CUL5: variants seen among roughly 807,000 people sequenced by gnomAD.
CUL5 encodes the protein cullin-5.
CUL5 carries 26 observed loss-of-function variants against 108.8 expected under a neutral mutation model. The observed-to-expected ratio is 0.24, with a 90% confidence interval of 0.18 to 0.33. CUL5 has a LOEUF of 0.33. Ranked by LOEUF, CUL5 falls within the 10% of genes least tolerant of loss-of-function variation. The pLI is 1.00. For missense variants in CUL5, 524 were observed against 909.2 expected, an observed-to-expected ratio of 0.58 and a Z score of 5.45; for synonymous variants, 334 against 298.0, an observed-to-expected ratio of 1.12 and a Z score of -1.25.
At chr11:108,043,796 AGGC>A (rs1255882959) in intron 2 of CUL5, among the ~76,000 whole-genome samples, 2 of 152,218 alleles carry the variant, frequency 1.3e-5, no homozygotes, top group Admixed American at 6.5e-5. Flanking sequence ...TGGGAGGCCA[AGGC>A]AGGTGGATCA....
intron 11 of CUL5, among the ~76,000 whole-genome samples, chr11:108,078,745 T>G (rs1863999536): frequency 6.6e-6 from 1 of 152,168 alleles, no homozygotes; most frequent in Non-Finnish European, 1.5e-5. Context: ...AAAAAAGTCT[T>G]TTGATGTGCT....
At chr11:108,069,149 C>T (rs1229227376) in intron 7 of CUL5, among the ~76,000 whole-genome samples, 1 of 152,070 alleles carries the variant, frequency 6.6e-6, no homozygotes, top group Non-Finnish European at 1.5e-5. Context: ...CCTAGCTACT[C>T]AAGAGGCTGA....
intron 7 of CUL5, among the ~76,000 whole-genome samples, chr11:108,065,552 C>T (rs1475956804): frequency 2.0e-5 from 3 of 152,118 alleles, no homozygotes; most frequent in African/African-American, 7.2e-5. Context: ...TGAGTTCATC[C>T]TACTTTTGCT....
chr11:108,020,535 A>T (rs1591274775), intron 1 of CUL5, among the ~76,000 whole-genome samples: 2 of 148,188 alleles, frequency 1.3e-5, no homozygotes, highest in African/African-American at 5.0e-5. Context: ...TGTGTTTGTG[A>T]TTTTTTTTTT....
At chr11:108,100,409 G>A (rs533297379) in intron 18 of CUL5, among the ~76,000 whole-genome samples, 1 of 152,278 alleles carries the variant, frequency 6.6e-6, no homozygotes, top group African/African-American at 2.4e-5. Context: ...CAGCTGTGGT[G>A]GCGCATGCCT....
intron 10 of CUL5, among the ~76,000 whole-genome samples, chr11:108,077,231 C>A (rs1863962217): frequency 6.6e-6 from 1 of 152,068 alleles, no homozygotes; most frequent in Non-Finnish European, 1.5e-5. Context: ...TGCTAGAAGA[C>A]AAGTGAAAAA....
intron 1 of CUL5, among the ~76,000 whole-genome samples, chr11:108,031,039 A>G (rs1862568348): frequency 6.6e-6 from 1 of 152,158 alleles, no homozygotes; most frequent in South Asian, 2.1e-4. Flanking sequence ...TCAGGTTCTT[A>G]ACCTGAGCAA....
intron 7 of CUL5, among the ~76,000 whole-genome samples, chr11:108,068,177 C>G (rs1249694903): frequency 6.6e-6 from 1 of 152,180 alleles, no homozygotes; most frequent in African/African-American, 2.4e-5. Context: ...CTTAGCCTCC[C>G]AAAGTGCTGG....
chr11:108,086,251 A>G (rs1027666460), intron 11 of CUL5, among the ~76,000 whole-genome samples: 22 of 152,338 alleles, frequency 1.4e-4, no homozygotes, highest in African/African-American at 5.1e-4. Context: ...ACTGAAAACA[A>G]TAATAAAACT....
At chr11:108,094,133 G>A (rs1403422975) in intron 13 of CUL5, among the ~76,000 whole-genome samples, 1 of 152,108 alleles carries the variant, frequency 6.6e-6, no homozygotes, top group Non-Finnish European at 1.5e-5. Flanking sequence ...CTTTGTTCTT[G>A]GGGAATTGGT....
chr11:108,011,859 CTCATG>C (rs1443743955), intron 1 of CUL5, among the ~76,000 whole-genome samples: 1 of 152,196 alleles, frequency 6.6e-6, no homozygotes, highest in Non-Finnish European at 1.5e-5. Context: ...ATCTCTTGAC[CTCATG>C]ATCCACCCTC....
rs1440230425 is a variant in CUL5 at position 108,094,990 on chromosome 11, A to G, written c.1743+3A>G. ...ATCATCTCATGTCAAATGGAATTGT[A>G]AGTAGATAGTGTGTTAGTTATTTCA... On this transcript the variant is annotated splice_donor_region_variant and intron_variant, in intron 15 of 18. Transcript: ENST00000393094. 1.2e-6 allele frequency: 2 copies of G among 1,604,180 alleles called. No homozygotes were observed. The highest frequency in any genetic ancestry group is 1.7e-5 in the Admixed American group (1 of 58,812).
intron 13 of CUL5, among the ~76,000 whole-genome samples, chr11:108,090,328 A>C (rs1054702393): frequency 6.6e-6 from 1 of 151,992 alleles, no homozygotes; most frequent in African/African-American, 2.4e-5. Flanking sequence ...CTCTATTAAA[A>C]ATACAAAAAA....
chr11:108,016,450 T>C (rs1862193362), intron 1 of CUL5, among the ~76,000 whole-genome samples: 1 of 152,096 alleles, frequency 6.6e-6, no homozygotes, highest in African/African-American at 2.4e-5. Context: ...GACAGGGTTT[T>C]GCCATGTTGT....
intron 11 of CUL5, among the ~76,000 whole-genome samples, chr11:108,086,383 A>G (rs1189100678): frequency 6.6e-6 from 1 of 152,216 alleles, no homozygotes; most frequent in Non-Finnish European, 1.5e-5. Flanking sequence ...TGAGCCCAGG[A>G]GTTCAAGACC....
chr11:108,074,197 T>TA (rs1863892517), intron 10 of CUL5: 2 of 147,500 alleles, frequency 1.4e-5, no homozygotes, highest in East Asian at 3.9e-4. Flanking sequence ...TTAATTTTTT[T>TA]TTTTTTTTTT....
chr11:108,052,863 A>C, intron 5 of CUL5, 62 bp downstream of exon 5: 1 of 1,413,742 alleles, frequency 7.1e-7, no homozygotes, highest in Non-Finnish European at 9.6e-7. Flanking sequence ...ACAATTATGG[A>C]ATAGCACAAT....
At chr11:108,088,789 T>C (rs958944900) in intron 12 of CUL5, 130 bp downstream of exon 12, 9 of 702,110 alleles carry the variant, frequency 1.3e-5, no homozygotes, top group Non-Finnish European at 1.9e-5. Flanking sequence ...TTACGAAGAT[T>C]TGCAGTGCAA....
chr11:108,092,671 C>T (rs894375842), intron 13 of CUL5, among the ~76,000 whole-genome samples: 1 of 152,006 alleles, frequency 6.6e-6, no homozygotes, highest in Non-Finnish European at 1.5e-5. Flanking sequence ...GAGTTGGGGC[C>T]AGGAGGGGAA....
Sources: gnomAD v4.1 joint callset for allele counts (sites outside exome capture counted in the v4.1 genomes callset) on GRCh38, gnomAD v4.1.1 for gene constraint, MANE v1.5 for transcripts, NCBI Gene and HGNC (gene_info 2026-07-23, HGNC 2026-07-21) for gene names.